LARGE1: variants seen among roughly 807,000 people sequenced by gnomAD.
LARGE1 encodes the protein xylosyl- and glucuronyltransferase LARGE1.
In LARGE1, 43 loss-of-function variants were observed where a neutral mutation model predicts 87.6. The observed-to-expected ratio is 0.49, with a 90% CI of 0.38 to 0.63. The LOEUF is 0.63. Among genes scored for constraint, LARGE1 ranks in the 30% least tolerant of loss-of-function variants. The probability of loss-of-function intolerance (pLI) is 0.00; values close to 1 mark genes in which losing one functional copy is unlikely to be tolerated. For synonymous variants in LARGE1, 434 were observed against 394.6 expected (o/e 1.10, Z -1.18); for missense variants, 802 against 1,000.2 (o/e 0.80, Z 2.67).
At chr22:33,608,592 T>C (rs2079333573) in intron 4 of LARGE1, among the ~76,000 whole-genome samples, 1 of 152,158 alleles carries the variant, frequency 6.6e-6, no homozygotes, top group Non-Finnish European at 1.5e-5. Flanking sequence ...ATCCACAGTA[T>C]CCAGCAAAGA....
chr22:33,651,944 C>T (rs240337), intron 2 of LARGE1, among the ~76,000 whole-genome samples: 71,857 of 151,954 alleles, frequency 0.47, 19,674 homozygotes, highest in Non-Finnish European at 0.62. Context: ...GAGGCCAAGG[C>T]GGGCAAATCA....
the LARGE1 span, among the ~76,000 whole-genome samples, chr22:33,155,704 A>C: frequency 1.3e-5 from 2 of 152,354 alleles, no homozygotes; most frequent in East Asian, 3.9e-4. Context: ...AGGCTGCAGA[A>C]ATTTGCATAA....
chr22:33,737,650 G>A (rs945975498), intron 2 of LARGE1: 1 of 152,206 alleles, frequency 6.6e-6, no homozygotes, highest in African/African-American at 2.4e-5. Flanking sequence ...CAGGAGCAAA[G>A]AGTGAAAAGT....
intron 9 of LARGE1, among the ~76,000 whole-genome samples, chr22:33,349,227 C>G (rs898590218): frequency 6.6e-6 from 1 of 152,192 alleles, no homozygotes; most frequent in African/African-American, 2.4e-5. Flanking sequence ...GGGAATCCAG[C>G]TTGTAGATGG....
intron 6 of LARGE1, among the ~76,000 whole-genome samples, chr22:33,463,829 C>T (rs1477692432): frequency 1.3e-5 from 2 of 152,098 alleles, no homozygotes; most frequent in African/African-American, 2.4e-5. Flanking sequence ...CCTGCTACCA[C>T]GCTCAGCTAA....
At chr22:33,835,475 T>C (rs1447065595) in intron 1 of LARGE1, among the ~76,000 whole-genome samples, 1 of 152,202 alleles carries the variant, frequency 6.6e-6, no homozygotes, top group East Asian at 1.9e-4. Context: ...TCGGATGGCA[T>C]TCAGGATAAA....
intron 11 of LARGE1, among the ~76,000 whole-genome samples, chr22:33,239,270 C>G (rs554006477): frequency 6.6e-6 from 1 of 152,048 alleles, no homozygotes; most frequent in African/African-American, 2.4e-5. Context: ...TACTTAAATA[C>G]ATATTGCCAA....
chr22:33,371,471 A>T (rs946420831), intron 9 of LARGE1, among the ~76,000 whole-genome samples: 2 of 152,214 alleles, frequency 1.3e-5, no homozygotes, highest in Non-Finnish European at 2.9e-5. Flanking sequence ...CTAATTTAAT[A>T]TTGGTTTAAT....
intron 2 of LARGE1, among the ~76,000 whole-genome samples, chr22:33,740,106 C>T (rs2083822171): frequency 1.3e-5 from 2 of 152,178 alleles, no homozygotes; most frequent in Admixed American, 1.3e-4. Context: ...TCTCAGCACA[C>T]AGACCTTGAC....
At chr22:33,760,969 A>C (rs868073470) in intron 2 of LARGE1, among the ~76,000 whole-genome samples, 3 of 151,622 alleles carry the variant, frequency 2.0e-5, no homozygotes, top group East Asian at 3.9e-4. Context: ...CAAACAAAAA[A>C]CACCACCACC....
At chr22:33,686,384 T>C (rs2081943365) in intron 2 of LARGE1, among the ~76,000 whole-genome samples, 1 of 151,214 alleles carries the variant, frequency 6.6e-6, no homozygotes, top group African/African-American at 2.4e-5. Context: ...CTACTAAAGA[T>C]ACAAAAAATT....
downstream of LARGE1, among the ~76,000 whole-genome samples, chr22:33,268,105 C>T (rs1928049495): frequency 6.6e-6 from 1 of 151,346 alleles, no homozygotes; most frequent in Non-Finnish European, 1.5e-5. Flanking sequence ...AGGCATCTGC[C>T]ACTGTGCCCG....
chr22:33,241,233 A>T (rs529657708), intron 11 of LARGE1, among the ~76,000 whole-genome samples: 2 of 152,162 alleles, frequency 1.3e-5, no homozygotes, highest in East Asian at 1.9e-4. Context: ...TCTCTCTCAC[A>T]TCTGGACCTG....
At chr22:33,906,277 G>A (rs1246523293) in intron 1 of LARGE1, among the ~76,000 whole-genome samples, 1 of 152,194 alleles carries the variant, frequency 6.6e-6, no homozygotes, top group Non-Finnish European at 1.5e-5. Context: ...ATGTGAGGCT[G>A]GAGATGTGAA....
the LARGE1 span, among the ~76,000 whole-genome samples, chr22:33,139,834 G>A: frequency 2.6e-5 from 4 of 152,188 alleles, no homozygotes. Context: ...CTCCTTTGGG[G>A]AAAGAAATGA....
At chr22:33,798,603 G>A (rs374125216) in intron 1 of LARGE1, among the ~76,000 whole-genome samples, 6 of 152,216 alleles carry the variant, frequency 3.9e-5, no homozygotes, top group African/African-American at 1.2e-4. Context: ...AGTGTTCCAC[G>A]CTGGCACTGC....
At chr22:33,838,862 G>T (rs1471827961) in intron 1 of LARGE1, among the ~76,000 whole-genome samples, 1 of 151,954 alleles carries the variant, frequency 6.6e-6, no homozygotes, top group Non-Finnish European at 1.5e-5. Flanking sequence ...GGCTCTCCAC[G>T]TTTTTTGTTT....
intron 1 of LARGE1, among the ~76,000 whole-genome samples, chr22:33,845,009 C>T (rs180863350): frequency 1.1e-3 from 168 of 152,150 alleles, no homozygotes; most frequent in Admixed American, 9.5e-3. Context: ...TGAGCTACCG[C>T]GCCTGGCCTC....
chr22:33,665,832 C>T (rs240357), intron 2 of LARGE1, among the ~76,000 whole-genome samples: 76,384 of 151,708 alleles, frequency 0.5, 21,274 homozygotes, highest in Middle Eastern at 0.65. Flanking sequence ...GCGGAGCTTG[C>T]AGTGAGCCGA....
Sources: gnomAD v4.1 joint callset for allele counts (sites outside exome capture counted in the v4.1 genomes callset) on GRCh38, gnomAD v4.1.1 for gene constraint, MANE v1.5 for transcripts, NCBI Gene and HGNC (gene_info 2026-07-23, HGNC 2026-07-21) for gene names.